RYR3: variants seen among roughly 807,000 people sequenced by gnomAD.
RYR3 encodes ryanodine receptor 3.
In RYR3, 207 loss-of-function variants were observed where a neutral mutation model predicts 584.3. That is an observed-to-expected ratio of 0.35 (90% CI 0.32 to 0.40). The LOEUF is 0.40. Among genes scored for constraint, RYR3 ranks in the 10% least tolerant of loss-of-function variants. The pLI, the probability that RYR3 is intolerant of heterozygous loss-of-function variation, is 1.00. For missense variants in RYR3, 5,616 were observed against 6,089.2 expected, an observed-to-expected ratio of 0.92 and a Z score of 2.59; for synonymous variants, 2,416 against 2,248.5, an observed-to-expected ratio of 1.07 and a Z score of -2.11.
intron 34 of RYR3, 59 bp from the exon 35 acceptor site, chr15:33,662,094 G>C (rs1272726426): frequency 7.1e-7 from 1 of 1,407,840 alleles, no homozygotes; most frequent in Non-Finnish European, 9.5e-7. Flanking sequence ...GGATGAAATA[G>C]CTGGATTCTG....
At chr15:33,362,168 C>T (rs1974859819) in intron 1 of RYR3, among the ~76,000 whole-genome samples, 2 of 152,144 alleles carry the variant, frequency 1.3e-5, no homozygotes, top group Admixed American at 1.3e-4. Flanking sequence ...GTGCTGAATG[C>T]TCTATAGTGC....
At chr15:33,768,833 T>C (rs1280458091) in intron 61 of RYR3, 126 bp downstream of exon 61, 3 of 914,316 alleles carry the variant, frequency 3.3e-6, no homozygotes, top group Non-Finnish European at 5.4e-6. Context: ...AAATTTGCCA[T>C]AGAAAATTGA....
intron 1 of RYR3, among the ~76,000 whole-genome samples, chr15:33,427,122 T>C (rs2044715138): frequency 6.6e-6 from 1 of 152,170 alleles, no homozygotes; most frequent in Non-Finnish European, 1.5e-5. Context: ...TGGAGAGGCC[T>C]CTGATGGATA....
intron 10 of RYR3, among the ~76,000 whole-genome samples, chr15:33,555,816 G>A (rs1462746620): frequency 6.6e-6 from 1 of 152,164 alleles, no homozygotes; most frequent in Non-Finnish European, 1.5e-5. Context: ...CCCCAATAAG[G>A]CAGATGAATC....
chr15:33,346,466 G>A (rs1371517377), intron 1 of RYR3, among the ~76,000 whole-genome samples: 1 of 152,210 alleles, frequency 6.6e-6, no homozygotes, highest in Non-Finnish European at 1.5e-5. Flanking sequence ...GCAGCTGCAA[G>A]AGCAGGAACC....
intron 1 of RYR3, among the ~76,000 whole-genome samples, chr15:33,414,529 C>G (rs1567190822): frequency 6.6e-6 from 1 of 152,076 alleles, no homozygotes; most frequent in Non-Finnish European, 1.5e-5. Context: ...TGAGTGAAGC[C>G]AGACAATATT....
intron 2 of RYR3, among the ~76,000 whole-genome samples, chr15:33,493,224 C>G (rs1411267454): frequency 1.3e-5 from 2 of 152,174 alleles, no homozygotes; most frequent in Non-Finnish European, 2.9e-5. Context: ...CTTCCTCCCC[C>G]TGCCGATGCT....
At chr15:33,646,808 C>T (rs1021472279) in intron 29 of RYR3, among the ~76,000 whole-genome samples, 5 of 152,202 alleles carry the variant, frequency 3.3e-5, no homozygotes, top group African/African-American at 7.2e-5. Flanking sequence ...TTCCTTGCTG[C>T]CCACAATTCC....
At chr15:33,659,026 G>A (rs566539411) in intron 32 of RYR3, among the ~76,000 whole-genome samples, 1 of 152,164 alleles carries the variant, frequency 6.6e-6, no homozygotes, top group Non-Finnish European at 1.5e-5. Flanking sequence ...CTCAATCAGG[G>A]GTACTTTTGC....
chr15:33,577,599 C>A (rs1304775147), intron 12 of RYR3, among the ~76,000 whole-genome samples: 2 of 152,152 alleles, frequency 1.3e-5, no homozygotes, highest in Non-Finnish European at 2.9e-5. Context: ...CTTCCTTACA[C>A]CTTATACAAA....
At position 33,865,413 on chromosome 15, in the gene RYR3, G is replaced by A; in HGVS notation, c.*187G>A. The A allele has an allele frequency of 3.7e-6, 2 of 545,034 alleles. No homozygotes were observed. 33.8% of individuals were successfully genotyped at this position (545,034 alleles called of 1,614,324 possible). ...TTTTTGTGCCTAATGGACATACACT[G>A]TGGGAGAGAACCTGTCAAAATGTCG... On this transcript the variant is annotated 3_prime_UTR_variant, in exon 104 of 104. Coordinates refer to ENST00000634891, the MANE Select transcript of RYR3 (RefSeq NM_001036.6).
In RYR3 at chr15:33,620,413, G is replaced by A. The variant is rs553638547; in HGVS notation, c.2358-3394G>A. ...GTCTAGAGGTGTGTGATAGGCTGTG[G>A]CTGATAGAACTGGTTTCACAGTTTT... On this transcript the variant is annotated intron_variant, in intron 19 of 103. Transcript: ENST00000634891. 2.6e-5 allele frequency among the ~76,000 whole-genome samples: 4 copies of A among 152,270 alleles called. No homozygotes were observed. The East Asian group carries it at 5.8e-4, about 22-fold the overall frequency.
chr15:33,662,739 G>A lies in RYR3; in HGVS notation c.5209G>A (p.Val1737Met), dbSNP rs561525049. 28 of 1,614,154 alleles carry A rather than the reference G, an allele frequency of 1.7e-5. No individual in the cohort carries two copies. Among genetic ancestry groups the A allele is most frequent in the African/African-American group, 5.3e-5 (4 of 75,034 alleles). Residue 1737 changes from valine (V) to methionine (M), a missense_variant, in exon 35 of 104, where the codon GTG (valine) becomes ATG (methionine). By Grantham distance (21) the Val-to-Met change is conservative (BLOSUM62 1). Transcript: ENST00000634891. ...CATTGGAACCCTGCTGGTCATGGGC[G>A]TGTTTGATGATGATGATGTTCGGCA... ...KLIGTLLVMG[V>M]FDDDDVRQIL...
intron 74 of RYR3, among the ~76,000 whole-genome samples, chr15:33,816,317 A>G (rs781138154): frequency 2.6e-5 from 4 of 152,228 alleles, no homozygotes; most frequent in African/African-American, 4.8e-5. Flanking sequence ...CACACAGAAA[A>G]TATGCCAACG....
chr15:33,431,145 C>T (rs1351678707), intron 1 of RYR3, among the ~76,000 whole-genome samples: 1 of 152,194 alleles, frequency 6.6e-6, no homozygotes, highest in Non-Finnish European at 1.5e-5. Context: ...TTAGAAGTAT[C>T]TATCCAATCC....
chr15:33,428,725 A>AT (rs35077720), intron 1 of RYR3, among the ~76,000 whole-genome samples: 26 of 151,730 alleles, frequency 1.7e-4, no homozygotes, highest in Admixed American at 1.0e-3. Flanking sequence ...AAGTTAGAGG[A>AT]TTTTTTTTTC....
chr15:33,731,450 T>A (rs1445435545), intron 47 of RYR3, 24 bp from the exon 48 acceptor site: 1 of 1,559,160 alleles, frequency 6.4e-7, no homozygotes, highest in African/African-American at 1.4e-5. Flanking sequence ...GCAATTAACC[T>A]GTGTCCCAAT....
chr15:33,518,699 T>G (rs2053731713), intron 3 of RYR3, among the ~76,000 whole-genome samples: 1 of 151,966 alleles, frequency 6.6e-6, no homozygotes, highest in Admixed American at 6.6e-5. Flanking sequence ...AGCAAAGGAG[T>G]TTTTTTGTTT....
intron 8 of RYR3, 38 bp downstream of exon 8, chr15:33,543,753 A>C (rs1567495663): frequency 7.9e-7 from 1 of 1,268,982 alleles, no homozygotes; most frequent in African/African-American, 1.5e-5. Flanking sequence ...AGCTGTTTCC[A>C]GTCTCAAATG....
Sources: gnomAD v4.1 joint callset for allele counts (sites outside exome capture counted in the v4.1 genomes callset) on GRCh38, gnomAD v4.1.1 for gene constraint, MANE v1.5 for transcripts, NCBI Gene and HGNC (gene_info 2026-07-23, HGNC 2026-07-21) for gene names.